Variants in TENM1 observed in about 807,000 individuals in gnomAD.
TENM1 encodes the protein teneurin transmembrane protein 1, also known as teneurin-1.
A neutral mutation model predicts 174.8 loss-of-function variants in TENM1; 35 were observed. The observed-to-expected ratio is 0.20, with a 90% CI of 0.15 to 0.27. TENM1 has a LOEUF of 0.27. Among genes scored for constraint, TENM1 ranks in the 10% least tolerant of loss-of-function variants. The pLI is 1.00. For synonymous variants in TENM1, 781 were observed against 798.7 expected (o/e 0.98, Z 0.37); for missense variants, 1,633 against 2,130.1 (o/e 0.77, Z 4.59).
intron 11 of TENM1, among the ~76,000 whole-genome samples, chrX:124,599,508 C>T (rs1018910042): frequency 5.4e-5 from 6 of 110,560 alleles, no homozygotes; most frequent in Non-Finnish European, 9.5e-5. Context: ...TGAATGGGGC[C>T]TAAGATTGTG....
At chrX:125,016,058 A>AT in the TENM1 span, among the ~76,000 whole-genome samples, 1 of 110,315 alleles carries the variant, frequency 9.1e-6, no homozygotes, top group Non-Finnish European at 1.9e-5. Flanking sequence ...TCCTCCAAAA[A>AT]TTTTTTTTTA....
intron 3 of TENM1, among the ~76,000 whole-genome samples, chrX:124,838,385 T>G (rs2056432584): frequency 1.8e-5 from 2 of 112,213 alleles, no homozygotes; most frequent in African/African-American, 3.2e-5. Context: ...AATTTGTTTT[T>G]ATTTTGAAAA....
chrX:124,772,844 A>C (rs985475921), intron 3 of TENM1, among the ~76,000 whole-genome samples: 59 of 111,895 alleles, frequency 5.3e-4, no homozygotes, highest in African/African-American at 1.5e-3. Context: ...ATGGGACCTT[A>C]TATCTGTGGT....
At chrX:125,158,412 A>G in the TENM1 span, among the ~76,000 whole-genome samples, 191 of 106,716 alleles carry the variant, frequency 1.8e-3, 1 homozygote, top group African/African-American at 6.2e-3. Flanking sequence ...AAAAAAAAAA[A>G]AAAAAAAAAA....
At chrX:125,135,740 A>G in the TENM1 span, among the ~76,000 whole-genome samples, 3 of 112,230 alleles carry the variant, frequency 2.7e-5, no homozygotes, top group Non-Finnish European at 5.6e-5. Flanking sequence ...AGTGTAGAGT[A>G]TCACATGTCC....
the TENM1 span, among the ~76,000 whole-genome samples, chrX:125,055,394 A>G: frequency 5.4e-5 from 6 of 111,226 alleles, no homozygotes; most frequent in Admixed American, 1.9e-4. Flanking sequence ...TGCCGTGAAG[A>G]TACTTCTTTT....
intron 1 of TENM1, among the ~76,000 whole-genome samples, chrX:124,932,859 C>T (rs147781584): frequency 0.018 from 1,971 of 111,251 alleles, 40 homozygotes; most frequent in African/African-American, 0.06. Flanking sequence ...GTTTTTCTAA[C>T]CTTGCACATA....
intron 1 of TENM1, among the ~76,000 whole-genome samples, chrX:124,917,770 A>G (rs928330362): frequency 6.3e-5 from 7 of 111,570 alleles, no homozygotes; most frequent in African/African-American, 2.3e-4. Flanking sequence ...TAATTCATTC[A>G]TTTTCTGTGC....
intron 5 of TENM1, among the ~76,000 whole-genome samples, chrX:124,690,895 TA>T (rs1260290610): frequency 1.8e-5 from 2 of 110,579 alleles, no homozygotes; most frequent in Non-Finnish European, 3.8e-5. Context: ...ATGAGCCAAA[TA>T]AACCTCTTTT....
the TENM1 span, among the ~76,000 whole-genome samples, chrX:125,079,455 G>T: frequency 8.9e-6 from 1 of 111,885 alleles, no homozygotes; most frequent in African/African-American, 3.2e-5. Context: ...ATATTTGAAA[G>T]CCACATTTTT....
Position 124,481,710 on chromosome X carries a change from T to TATATATA in TENM1, c.3949+21_3949+22insTATATAT, listed in dbSNP as rs753432314. 2.2e-5 allele frequency: 9 copies of TATATATA among 400,825 alleles called. No individual in the cohort carries two copies. The East Asian group carries it at 4.1e-4, about 18-fold the overall frequency. The allele number at this position is 400,825 out of a possible 1,213,427, so 33.0% of individuals were successfully genotyped here. On this transcript the variant is annotated intron_variant, in intron 22 of 31. Coordinates refer to ENST00000422452, the Ensembl canonical transcript of TENM1. Reference sequence around the variant, plus strand: ...TGACCCAAGGGTATATATATATATATATTTATTTATTTATTTTTTACCTCG... The same window carrying TATATATA: ...TGACCCAAGGGTATATATATATATATATATATAATTTATTTATTTATTTTTTACCTCG...
chrX:124,711,077 T>C (rs781417361), intron 4 of TENM1, among the ~76,000 whole-genome samples: 2 of 112,045 alleles, frequency 1.8e-5, no homozygotes, highest in East Asian at 5.6e-4. Flanking sequence ...GAGCAAATGA[T>C]AAAAATGCAG....
At chrX:124,761,569 G>C (rs749104454) in intron 3 of TENM1, among the ~76,000 whole-genome samples, 85 of 104,532 alleles carry the variant, frequency 8.1e-4, no homozygotes, top group African/African-American at 2.7e-3. Flanking sequence ...GGGAGGGATA[G>C]CATTAGGAGA....
chrX:124,953,150 C>G (rs1161905817), intron 1 of TENM1, among the ~76,000 whole-genome samples: 1 of 112,125 alleles, frequency 8.9e-6, no homozygotes, highest in Non-Finnish European at 1.9e-5. Flanking sequence ...TGTTGGCATA[C>G]CTCATGGTTA....
At chrX:124,692,438 TA>T in intron 5 of TENM1, among the ~76,000 whole-genome samples, 1 of 110,920 alleles carries the variant, frequency 9.0e-6, no homozygotes, top group Middle Eastern at 4.6e-3. Context: ...AACTAAAAGT[TA>T]AAATATTATT....
At chrX:124,828,540 T>C in intron 3 of TENM1, among the ~76,000 whole-genome samples, 2 of 112,538 alleles carry the variant, frequency 1.8e-5, no homozygotes, top group Middle Eastern at 9.1e-3. Context: ...CAGTATGTTT[T>C]ACCACAACTC....
the TENM1 span, among the ~76,000 whole-genome samples, chrX:125,154,405 T>C: frequency 2.7e-5 from 3 of 112,204 alleles, no homozygotes; most frequent in South Asian, 1.1e-3. Context: ...ATTTCAAAGT[T>C]GGAAGTTACA....
At chrX:124,957,291 T>C in intron 1 of TENM1, among the ~76,000 whole-genome samples, 1 of 108,917 alleles carries the variant, frequency 9.2e-6, no homozygotes, top group Non-Finnish European at 1.9e-5. Context: ...AAAAAAAAAA[T>C]TGGCAGTTTG....
intron 3 of TENM1, among the ~76,000 whole-genome samples, chrX:124,845,926 C>T (rs1458096298): frequency 2.7e-5 from 3 of 109,972 alleles, no homozygotes; most frequent in Middle Eastern, 4.7e-3. Flanking sequence ...AAAAGCTTTG[C>T]GTGAATATGC....
Sources: gnomAD v4.1 joint callset for allele counts (sites outside exome capture counted in the v4.1 genomes callset) on GRCh38, gnomAD v4.1.1 for gene constraint, MANE v1.5 for transcripts, NCBI Gene and HGNC (gene_info 2026-07-23, HGNC 2026-07-21) for gene names.